FIBCD1: variants seen among roughly 807,000 people sequenced by gnomAD.
FIBCD1 encodes fibrinogen C domain containing 1.
FIBCD1 carries 47 observed loss-of-function variants against 45.1 expected under a neutral mutation model. The observed-to-expected ratio is 1.04, with a 90% CI of 0.82 to 1.33. The LOEUF is 1.33. FIBCD1 is among the 40% of genes most tolerant of loss of function. The pLI, the probability that FIBCD1 is intolerant of heterozygous loss-of-function variation, is 0.00. For synonymous variants in FIBCD1, 313 were observed against 308.1 expected, an observed-to-expected ratio of 1.02 and a Z score of -0.17; for missense variants, 653 against 682.2, an observed-to-expected ratio of 0.96 and a Z score of 0.48.
chr9:130,921,721 C>T (rs573254791), intron 4 of FIBCD1, among the ~76,000 whole-genome samples: 9 of 152,356 alleles, frequency 5.9e-5, no homozygotes, highest in South Asian at 4.1e-4. Context: ...TTTCTGGGTT[C>T]GGCTGGTGCC....
rs1832408620 is a variant in FIBCD1, at chr9:130,929,482, T to C, written c.552+85A>G. ...GGGCCTTGGGGATTAAGTGAGGCCA[T>C]GGACATCAGGCGCCTGGCACATGGC... On this transcript the variant is annotated intron_variant, in intron 2 of 6. Coordinates refer to ENST00000372338, the MANE Select transcript of FIBCD1 (RefSeq NM_032843.5). 11 of 1,448,764 alleles carry C rather than the reference T, an allele frequency of 7.6e-6. No homozygotes were observed. In the Admixed American group the frequency reaches 1.8e-4, roughly 23 times the overall value. The allele number at this position is 1,448,764 out of a possible 1,614,324, so 89.7% of individuals were successfully genotyped here. A position where few individuals can be genotyped will look rare whatever the true frequency, so the allele number is the denominator to read the frequency against.
At chr9:130,905,487 G>T in intron 5 of FIBCD1, 74 bp from the exon 6 acceptor site, 1 of 1,459,070 alleles carries the variant, frequency 6.9e-7, no homozygotes, top group South Asian at 1.3e-5. Flanking sequence ...AATGATAAAT[G>T]ACAGCTGAGC....
upstream of FIBCD1, among the ~76,000 whole-genome samples, chr9:130,940,015 G>A (rs745604373): frequency 1.2e-4 from 17 of 142,002 alleles, no homozygotes; most frequent in Non-Finnish European, 1.8e-4. Flanking sequence ...CCCGTTCCCC[G>A]CCCCCGCTTC....
chr9:130,908,263 G>A (rs979337367), intron 5 of FIBCD1, among the ~76,000 whole-genome samples: 1 of 152,206 alleles, frequency 6.6e-6, no homozygotes, highest in Non-Finnish European at 1.5e-5. Context: ...AGGGACTGGC[G>A]CTGTTGACAT....
intron 1 of FIBCD1, 28 bp downstream of exon 1, chr9:130,938,508 G>A (rs1166512871): frequency 1.2e-5 from 17 of 1,477,588 alleles, no homozygotes; most frequent in Admixed American, 2.3e-5. Context: ...CAGCCGCCCA[G>A]GCCCCGTGTC....
At chr9:130,928,689 G>T (rs1337655058) in intron 2 of FIBCD1, among the ~76,000 whole-genome samples, 4 of 152,202 alleles carry the variant, frequency 2.6e-5, no homozygotes, top group African/African-American at 9.7e-5. Flanking sequence ...CGCCCGTGGG[G>T]GCAGGGGCTT....
chr9:130,926,046 G>T lies in FIBCD1; in HGVS notation c.553-1650C>A, dbSNP rs1422978221. On this transcript the variant is annotated intron_variant, in intron 2 of 6. Transcript: ENST00000372338. The surrounding 1 kb of genome is among the most constrained non-coding windows in gnomAD (Gnocchi z 4.1). ...AGGAGCAGAGATGGGCAGGCAGGGC[G>T]TTTGGGTTTCACGGCAGCATCCTGT... 6.6e-6 allele frequency among the ~76,000 whole-genome samples: 1 copy of T among 152,190 alleles called. No homozygotes were observed. Among genetic ancestry groups the T allele is most frequent in the East Asian group, 1.9e-4 (1 of 5,200 alleles).
At chr9:130,921,047 G>A (rs1832252108) in intron 4 of FIBCD1, among the ~76,000 whole-genome samples, 1 of 152,222 alleles carries the variant, frequency 6.6e-6, no homozygotes, top group Non-Finnish European at 1.5e-5. Context: ...GGATTGAAGG[G>A]CGCTGGCGTG....
At chr9:130,923,923 G>A (rs370488778) in intron 3 of FIBCD1, 43 bp from the exon 4 acceptor site, 210 of 1,610,154 alleles carry the variant, frequency 1.3e-4, no homozygotes, top group Admixed American at 7.0e-4. Flanking sequence ...GCCCCAGCAC[G>A]TTCCTGCCCA....
chr9:130,929,315 T>C (rs575776101), intron 2 of FIBCD1, among the ~76,000 whole-genome samples: 4 of 152,274 alleles, frequency 2.6e-5, no homozygotes, highest in Admixed American at 6.5e-5. Context: ...CGTGGGGTGC[T>C]GTACAGTTTA....
At chr9:130,924,425 G>T in intron 2 of FIBCD1, 29 bp from the exon 3 acceptor site, 1 of 1,584,316 alleles carries the variant, frequency 6.3e-7, no homozygotes, top group Non-Finnish European at 8.6e-7. Context: ...GAGCCGAGGG[G>T]GCAGGGGCTC....
At chr9:130,924,822 G>A (rs960458103) in intron 2 of FIBCD1, among the ~76,000 whole-genome samples, 3 of 152,184 alleles carry the variant, frequency 2.0e-5, no homozygotes, top group Non-Finnish European at 4.4e-5. Flanking sequence ...GACTAGGGGC[G>A]AATGTCCTCA....
chr9:130,915,792 G>A (rs556845215), intron 4 of FIBCD1, among the ~76,000 whole-genome samples: 1 of 152,316 alleles, frequency 6.6e-6, no homozygotes, highest in South Asian at 2.1e-4. Context: ...TGCTCTTAAG[G>A]CGCCAAGACA....
intron 2 of FIBCD1, 107 bp from the exon 3 acceptor site, chr9:130,924,503 G>A: frequency 7.0e-6 from 8 of 1,140,146 alleles, no homozygotes; most frequent in Non-Finnish European, 9.7e-6. Context: ...AGGCAGAGGT[G>A]GGCTTCTGGC....
chr9:130,911,778 G>T lies in FIBCD1; in HGVS notation c.946+14C>A, dbSNP rs1274217260. ...GGAGGCCCACCTGGGCCGGATGGTG[G>T]GTGGGGTGCTCACCTAGCCAGTGCT... On this transcript the variant is annotated intron_variant, in intron 5 of 6. Coordinates refer to ENST00000372338, the MANE Select transcript of FIBCD1 (RefSeq NM_032843.5). 4 of 1,588,404 alleles carry T rather than the reference G, an allele frequency of 2.5e-6. No homozygotes were observed. Among genetic ancestry groups the T allele is most frequent in the Non-Finnish European group, 3.4e-6 (4 of 1,168,282 alleles).
At chr9:130,938,236 G>C in intron 1 of FIBCD1, 1 of 330,496 alleles carries the variant, frequency 3.0e-6, no homozygotes, top group Non-Finnish European at 5.6e-6. Context: ...ACAGCGAACT[G>C]TAAGTCCCCG....
At chr9:130,916,214 C>G (rs1198890990) in intron 4 of FIBCD1, among the ~76,000 whole-genome samples, 2 of 152,366 alleles carry the variant, frequency 1.3e-5, no homozygotes, top group Admixed American at 6.5e-5. Flanking sequence ...TAGGCGTGAG[C>G]CACCGCGCCC....
In FIBCD1 at chr9:130,923,697, C is replaced by T. The variant is rs377061998; in HGVS notation, c.849+47G>A. The T allele has an allele frequency of 2.9e-5, 46 of 1,599,576 alleles. 1 individual carries two copies. The highest frequency in any genetic ancestry group is 1.4e-4 in the Admixed American group (8 of 58,638). On this transcript the variant is annotated intron_variant, in intron 4 of 6. Transcript: ENST00000372338. ...GCCCGGGTTCAGGTACACAGCCTCA[C>T]GGTCCCCGGTGCCTGCCCTGCCGCC...
At chr9:130,929,199 C>T (rs1309258725) in intron 2 of FIBCD1, among the ~76,000 whole-genome samples, 2 of 152,130 alleles carry the variant, frequency 1.3e-5, no homozygotes, top group East Asian at 3.9e-4. Flanking sequence ...AAGTCGCATC[C>T]CCTCTCTGAG....
Sources: gnomAD v4.1 joint callset for allele counts (sites outside exome capture counted in the v4.1 genomes callset) on GRCh38, gnomAD v4.1.1 for gene constraint, Gnocchi (gnomAD v3.1) non-coding constraint, MANE v1.5 for transcripts, NCBI Gene and HGNC (gene_info 2026-07-23, HGNC 2026-07-21) for gene names.